Variants in PSD4 observed in about 807,000 individuals in gnomAD.
The protein encoded by PSD4 is pleckstrin and Sec7 domain containing 4.
Under a neutral mutation model 112.5 loss-of-function variants are expected in PSD4, and 59 were observed. That is an observed-to-expected ratio of 0.52 (90% CI 0.43 to 0.65). PSD4 has a LOEUF of 0.65. Among genes scored for constraint, PSD4 ranks in the 30% least tolerant of loss-of-function variants. The pLI, the probability that PSD4 is intolerant of heterozygous loss-of-function variation, is 0.00. For missense variants in PSD4, 1,267 were observed against 1,352.6 expected (o/e 0.94, Z 0.99); for synonymous variants, 533 against 540.0 (o/e 0.99, Z 0.18).
chr2:113,189,511 T>A (rs755109315), intron 5 of PSD4, among the ~76,000 whole-genome samples: 4 of 152,172 alleles, frequency 2.6e-5, no homozygotes. Flanking sequence ...TAATGACTTA[T>A]TTTCCTCTGG....
chr2:113,195,888 A>C lies in PSD4; in HGVS notation c.2225+118A>C, dbSNP rs565889286. On this transcript the variant is annotated intron_variant, in intron 11 of 16. Coordinates refer to ENST00000245796, the MANE Select transcript of PSD4 (RefSeq NM_012455.3). ...CTCAGATAGTGCTCCCCTTGGAGTG[A>C]GGCAAAGCCAGAGGCAGGGCTCTGG... is the stretch of plus-strand genomic sequence containing the variant. The C allele has an allele frequency of 1.0e-5, 14 of 1,389,582 alleles. No individual in the cohort carries two copies. The African/African-American group carries it at 2.0e-4, about 20-fold the overall frequency. The allele number at this position is 1,389,582 out of a possible 1,614,324, so 86.1% of individuals were successfully genotyped here. A position where few individuals can be genotyped will look rare whatever the true frequency, so the allele number is the denominator to read the frequency against.
Position 113,199,150 on chromosome 2 carries a change from G to A in PSD4, c.2837G>A (p.Arg946Lys). The change falls in exon 16 of 17, where the codon AGG becomes AAG. Residue 946 changes from arginine to lysine, a missense_variant. This residue lies in a region of PSD4 where 544 missense variants were observed against 648.6 expected (regional missense o/e 0.84). Coordinates refer to ENST00000245796, the MANE Select transcript of PSD4 (RefSeq NM_012455.3). ...GCGGACGACCTGCTGGATCTACAGAGGAACCTGCCGGAGCGGCGGGGCCGT... is the reference window on the plus strand; with the variant it reads ...GCGGACGACCTGCTGGATCTACAGAAGAACCTGCCGGAGCGGCGGGGCCGT... ...AAADDLLDLQ[R>K]NLPERRGRGR... 2 of 1,528,834 alleles carry A rather than the reference G, an allele frequency of 1.3e-6. No homozygotes were observed. Among genetic ancestry groups the A allele is most frequent in the Middle Eastern group, 1.7e-4 (1 of 5,936 alleles). The allele number at this position is 1,528,834 out of a possible 1,614,324, so 94.7% of individuals were successfully genotyped here.
chr2:113,174,481 G>T (rs371662863), intron 1 of PSD4, among the ~76,000 whole-genome samples: 16 of 152,124 alleles, frequency 1.1e-4, no homozygotes, highest in African/African-American at 3.1e-4. Context: ...GTGGCCAAAG[G>T]TCCCAAGTGA....
rs1174834878 is a variant in PSD4 at position 113,193,948 on chromosome 2, G to A, written c.2181G>A (p.Lys727=). ...GGAACTTCCCCAAGGAGCTGCTGAA[G>A]GTATGTGCCACGGGGTCTTCTTATG... ...DGGNFPKELL[K]ALYWSIRSEK... The change falls in exon 10 of 17, where the codon AAG becomes AAA. Residue 727 remains lysine, a splice_region_variant and synonymous_variant. Transcript: ENST00000245796. The A allele has an allele frequency of 6.2e-7, 1 of 1,614,012 alleles. No individual in the cohort carries two copies. The highest frequency in any genetic ancestry group is 8.5e-7 in the Non-Finnish European group (1 of 1,179,936).
chr2:113,194,175 T>C (rs538488074), intron 10 of PSD4, among the ~76,000 whole-genome samples: 3 of 152,356 alleles, frequency 2.0e-5, no homozygotes, highest in South Asian at 2.1e-4. Flanking sequence ...GCTGGACTTA[T>C]TGAATCAGAC....
chr2:113,187,382 C>T (rs939159091), intron 5 of PSD4, among the ~76,000 whole-genome samples: 2 of 152,228 alleles, frequency 1.3e-5, no homozygotes, highest in Non-Finnish European at 2.9e-5. Flanking sequence ...CTAGCCTCCA[C>T]TCCTAGATCT....
In PSD4 at chr2:113,201,301, G is replaced by A; in HGVS notation, c.3057G>A (p.Ser1019=). The change falls in exon 17 of 17, where the codon TCG becomes TCA. Residue 1019 remains serine, a synonymous_variant. Coordinates refer to ENST00000245796, the MANE Select transcript of PSD4 (RefSeq NM_012455.3). ...AGCTCAGCCTGAAGAAGTCCCACTC[G>A]AGCCCGTCCCTGCACCAGGATGAGG... ...EPKLSLKKSH[S]SPSLHQDEAP... is the part of the protein sequence containing the mutation. The A allele has an allele frequency of 3.1e-6, 5 of 1,614,166 alleles. No individual in the cohort carries two copies. The highest frequency in any genetic ancestry group is 4.5e-5 in the East Asian group (2 of 44,884).
At position 113,175,720 on chromosome 2, in the gene PSD4, G is replaced by A. The variant is rs45591837; in HGVS notation, c.-112+1666G>A. 7.0e-3 allele frequency among the ~76,000 whole-genome samples: 1,063 copies of A among 152,294 alleles called. 11 individuals carry two copies. The highest frequency in any genetic ancestry group is 0.026 in the Admixed American group (397 of 15,304). ...AGGGAAACAGAGACAGGCACCCTCC[G>A]GATGAAGGTTCAGGGCTGACTCCTT... On this transcript the variant is annotated intron_variant, in intron 1 of 16. Transcript: ENST00000245796.
At position 113,192,598 on chromosome 2, in the gene PSD4, C is replaced by T. The variant is rs1379292491; in HGVS notation, c.1838+9C>T. The T allele has an allele frequency of 1.2e-6, 2 of 1,613,126 alleles. No homozygotes were observed. The highest frequency in any genetic ancestry group is 1.1e-5 in the South Asian group (1 of 91,076). The stretch of plus-strand genomic sequence containing the variant: ...GCCTACCTGCAGAAGAAGTAAGGGG[C>T]TTTGAGCCTGGGGAAGGCTGGAGGC... On this transcript the variant is annotated intron_variant, in intron 6 of 16. Transcript: ENST00000245796.
In PSD4 at chr2:113,201,226, C is replaced by T; in HGVS notation, c.2982C>T (p.Asp994=). 8 of 1,614,192 alleles carry T rather than the reference C, an allele frequency of 5.0e-6. No homozygotes were observed. Among genetic ancestry groups the T allele is most frequent in the Non-Finnish European group, 5.9e-6 (7 of 1,180,042 alleles). The change falls in exon 17 of 17, where the codon GAC becomes GAT. Residue 994 remains aspartate, a synonymous_variant. Coordinates refer to ENST00000245796, the MANE Select transcript of PSD4 (RefSeq NM_012455.3). The part of the protein sequence containing the change: ...ARLHCPSDAL[D]LWEEQLGREA... ...TGCACTGCCCCTCTGATGCTCTGGACCTGTGGGAGGAGCAGCTGGGGAGGG... is the reference window on the plus strand; with the variant it reads ...TGCACTGCCCCTCTGATGCTCTGGATCTGTGGGAGGAGCAGCTGGGGAGGG...
At chr2:113,186,377 G>T in intron 5 of PSD4, 122 bp downstream of exon 5, 2 of 1,107,706 alleles carry the variant, frequency 1.8e-6, no homozygotes, top group East Asian at 2.5e-5. Flanking sequence ...TATTAAGCAA[G>T]GATTATATGA....
intron 1 of PSD4, among the ~76,000 whole-genome samples, chr2:113,177,495 G>C (rs1688010201): frequency 6.6e-6 from 1 of 152,224 alleles, no homozygotes; most frequent in African/African-American, 2.4e-5. Context: ...GAATTGATCA[G>C]TGGGGCAGGA....
At chr2:113,199,050 G>C (rs1411659480) in intron 15 of PSD4, 33 bp from the exon 16 acceptor site, 1 of 1,515,148 alleles carries the variant, frequency 6.6e-7, no homozygotes, top group South Asian at 1.2e-5. Context: ...GGGGACGCCC[G>C]GGACAGCGCC....
chr2:113,188,733 A>T (rs529306706), intron 5 of PSD4, among the ~76,000 whole-genome samples: 2 of 152,212 alleles, frequency 1.3e-5, no homozygotes, highest in East Asian at 3.9e-4. Flanking sequence ...GGCGCCCGCC[A>T]CTGCGCCCGG....
Position 113,197,624 on chromosome 2 carries a change from A to G in PSD4, c.2447A>G (p.Tyr816Cys). Reference sequence around the variant, plus strand: ...ACCTTACTGCGAGGGATGGTTCTCTACTTCCTGAAGGTAGGAAAGGAGCCA... The same window carrying G: ...ACCTTACTGCGAGGGATGGTTCTCTGCTTCCTGAAGGTAGGAAAGGAGCCA... ...FHTLLRGMVLYFLKQGEDHCL... is the reference protein window; with the variant it reads ...FHTLLRGMVLCFLKQGEDHCL... The change falls in exon 13 of 17, where the codon TAC becomes TGC. Residue 816 changes from tyrosine to cysteine, a missense_variant. Coordinates refer to ENST00000245796, the MANE Select transcript of PSD4 (RefSeq NM_012455.3). The G allele has an allele frequency of 6.2e-7, 1 of 1,614,170 alleles. No individual in the cohort carries two copies. The highest frequency in any genetic ancestry group is 1.3e-5 in the African/African-American group (1 of 75,034).
At chr2:113,174,572 A>G (rs1687914072) in intron 1 of PSD4, among the ~76,000 whole-genome samples, 1 of 152,100 alleles carries the variant, frequency 6.6e-6, no homozygotes, top group Admixed American at 6.5e-5. Context: ...TGGTTGCTGC[A>G]GGAGCTCAGA....
rs1446371317 is a variant in PSD4, at chr2:113,198,815, C to G, written c.2700C>G (p.Pro900=). ...AAATHSAPPF[P]AAVGSQRRFV... Reference sequence around the variant, plus strand: ...CCACGCACTCCGCGCCGCCCTTCCCCGCCGCTGTGGGCTCCCAGCGCAGAT... The same window carrying G: ...CCACGCACTCCGCGCCGCCCTTCCCGGCCGCTGTGGGCTCCCAGCGCAGAT... Residue 900 remains proline (P), a synonymous_variant, in exon 15 of 17, where the codon CCC becomes CCG. Transcript: ENST00000245796. The G allele has an allele frequency of 1.3e-6, 2 of 1,594,250 alleles. No homozygotes were observed. Among genetic ancestry groups the G allele is most frequent in the Non-Finnish European group, 1.7e-6 (2 of 1,174,652 alleles).
intron 1 of PSD4, among the ~76,000 whole-genome samples, chr2:113,177,894 G>A (rs1267716148): frequency 6.6e-6 from 1 of 152,190 alleles, no homozygotes; most frequent in Non-Finnish European, 1.5e-5. Context: ...GAGGGGTGGA[G>A]TATAGTCACA....
chr2:113,190,195 GTGAGAGA>G (rs1688408526), intron 5 of PSD4, among the ~76,000 whole-genome samples: 1 of 152,154 alleles, frequency 6.6e-6, no homozygotes, highest in African/African-American at 2.4e-5. Flanking sequence ...TTTGTGTAAG[GTGAGAGA>G]TGAGGATCCA....
Sources: gnomAD v4.1 joint callset for allele counts (sites outside exome capture counted in the v4.1 genomes callset) on GRCh38, gnomAD v4.1.1 for gene constraint, gnomAD v4.1.1 regional missense constraint, MANE v1.5 for transcripts, NCBI Gene and HGNC (gene_info 2026-07-23, HGNC 2026-07-21) for gene names.